Variants in BOD1 observed in about 807,000 individuals in gnomAD.
BOD1 encodes the protein biorientation of chromosomes in cell division 1.
Under a neutral mutation model 15.7 loss-of-function variants are expected in BOD1, and 11 were observed. That is an observed-to-expected ratio of 0.70 (90% confidence interval 0.44 to 1.16). BOD1 has a LOEUF of 1.16. Among genes scored for constraint, BOD1 ranks in the 50% most tolerant of loss-of-function variants. The pLI, the probability that BOD1 is intolerant of heterozygous loss-of-function variation, is 0.00. For synonymous variants in BOD1, 105 were observed against 103.5 expected (o/e 1.01, Z -0.09); for missense variants, 182 against 244.5 (o/e 0.74, Z 1.70).
chr5:173,613,084 A>G (rs1464676331), intron 2 of BOD1, 47 bp downstream of exon 2: 3 of 1,515,224 alleles, frequency 2.0e-6, no homozygotes, highest in Non-Finnish European at 2.7e-6. Context: ...TGTGCATCAC[A>G]CTTGTGATGA....
In BOD1 at chr5:173,616,352, C is replaced by A; in HGVS notation, c.85G>T (p.Ala29Ser). 6.5e-7 allele frequency: 1 copy of A among 1,527,266 alleles called. No individual in the cohort carries two copies. 94.6% of individuals were successfully genotyped at this position (1,527,266 alleles called of 1,614,324 possible). A position where few individuals can be genotyped will look rare whatever the true frequency, so the allele number is the denominator to read the frequency against. ...SQASAGAATG[A>S]TGASGGGGPI... is the part of the protein sequence containing the mutation. ...CCACCGCCCCCGCTGGCCCCAGTAG[C>A]GCCAGTCGCTGCCCCGGCAGAGGCC... is the stretch of plus-strand genomic sequence containing the variant. Residue 29 changes from alanine to serine, a missense_variant, in exon 1 of 4, where the codon GCT (alanine) becomes TCT (serine). Ala to Ser is a moderately conservative substitution (Grantham distance 99). This residue lies in a region of BOD1 where 72 missense variants were observed against 68.9 expected (regional missense o/e 1.05). Transcript: ENST00000311086.
At chr5:173,608,933 T>A (rs538637891) in intron 3 of BOD1, among the ~76,000 whole-genome samples, 107 of 152,340 alleles carry the variant, frequency 7.0e-4, no homozygotes, top group African/African-American at 2.3e-3. Flanking sequence ...CATTTAAACA[T>A]TTCAGCAAAA....
At chr5:173,609,717 CAACA>C (rs750680119) in intron 2 of BOD1, 1 of 362,632 alleles carries the variant, frequency 2.8e-6, no homozygotes, top group Non-Finnish European at 5.0e-6. Context: ...TGCTCCAAAA[CAACA>C]AACAAATGAC....
chr5:173,611,643 C>T (rs562200692), intron 2 of BOD1, among the ~76,000 whole-genome samples: 2 of 152,190 alleles, frequency 1.3e-5, no homozygotes, highest in Non-Finnish European at 2.9e-5. Context: ...AAAGTACATC[C>T]GGAGCTAGGC....
rs774317499 is a variant in BOD1 at position 173,608,168 on chromosome 5, T to C, written c.*126A>G. 1.7e-6 allele frequency: 2 copies of C among 1,174,932 alleles called. No individual in the cohort carries two copies. Among genetic ancestry groups the C allele is most frequent in the Non-Finnish European group, 2.6e-6 (2 of 783,358 alleles). 72.8% of individuals were successfully genotyped at this position (1,174,932 alleles called of 1,614,324 possible). A position where few individuals can be genotyped will look rare whatever the true frequency, so the allele number is the denominator to read the frequency against. Reference sequence around the variant, plus strand: ...CCCCTTTCAATCTGGTCACTGCCCATGGTCAAGGTTGAAATCTTGAGATCA... The same window carrying C: ...CCCCTTTCAATCTGGTCACTGCCCACGGTCAAGGTTGAAATCTTGAGATCA... On this transcript the variant is annotated 3_prime_UTR_variant, in exon 4 of 4. Coordinates refer to ENST00000311086, the MANE Select transcript of BOD1 (RefSeq NM_138369.3).
In BOD1 at chr5:173,616,574, G is replaced by A. The variant is rs1285036127; in HGVS notation, c.-138C>T. ...GGCAGCGGCGGAGGTGGCGATGGCG[G>A]CAGGGGCGGTGGTGGGGGCGGCGGC... On this transcript the variant is annotated 5_prime_UTR_variant, in exon 1 of 4. Transcript: ENST00000311086. 1.0e-5 allele frequency: 14 copies of A among 1,374,666 alleles called. No individual in the cohort carries two copies. Among genetic ancestry groups the A allele is most frequent in the Non-Finnish European group, 1.3e-5 (14 of 1,071,288 alleles). The allele number at this position is 1,374,666 out of a possible 1,614,324, so 85.2% of individuals were successfully genotyped here. A position where few individuals can be genotyped will look rare whatever the true frequency, so the allele number is the denominator to read the frequency against.
intron 1 of BOD1, among the ~76,000 whole-genome samples, chr5:173,615,756 G>C (rs1295484009): frequency 6.6e-6 from 1 of 152,180 alleles, no homozygotes; most frequent in East Asian, 1.9e-4. Flanking sequence ...CAATGAGCTA[G>C]AGAAAAGGAA....
chr5:173,609,158 C>T (rs2279188), intron 3 of BOD1, 80 bp downstream of exon 3: 171,010 of 1,370,116 alleles, frequency 0.12, 17,441 homozygotes, highest in East Asian at 0.62. Flanking sequence ...TCCTCAATTA[C>T]GGCCTACCCC....
At position 173,608,238 on chromosome 5, in the gene BOD1, T is replaced by TA; in HGVS notation, c.*55dup. On this transcript the variant is annotated 3_prime_UTR_variant, in exon 4 of 4. Transcript: ENST00000311086. The stretch of plus-strand genomic sequence containing the variant: ...TTCAGTCTGAAGTTGCACTCTTATG[T>TA]AACCGAATCCATTTCTTCACCAAAA... 6.2e-7 allele frequency: 1 copy of TA among 1,608,712 alleles called. No homozygotes were observed. The highest frequency in any genetic ancestry group is 8.5e-7 in the Non-Finnish European group (1 of 1,175,116).
At position 173,616,236 on chromosome 5, in the gene BOD1, G is replaced by A. The variant is rs1302974209; in HGVS notation, c.201C>T (p.Ser67=). The A allele has an allele frequency of 7.6e-6, 12 of 1,576,448 alleles. No individual in the cohort carries two copies. Among genetic ancestry groups the A allele is most frequent in the Non-Finnish European group, 7.7e-6 (9 of 1,161,940 alleles). Residue 67 remains serine, a synonymous_variant, in exon 1 of 4, where the codon AGC becomes AGT. Transcript: ENST00000311086. ...CGTCGGCCAGGCAGTCCCGGCGGAA[G>A]CTGTCAAAAAGGCCCCGGCTCTTGA... ...EQLKSRGLFD[S]FRRDCLADVD...
intron 2 of BOD1, among the ~76,000 whole-genome samples, chr5:173,612,569 C>T (rs1042263590): frequency 6.6e-6 from 1 of 152,190 alleles, no homozygotes; most frequent in Admixed American, 6.5e-5. Flanking sequence ...CATTTCTGTA[C>T]CCTCCTCCAC....
chr5:173,609,712 C>T lies in BOD1; in HGVS notation c.363-278G>A, dbSNP rs1755298188. The T allele has an allele frequency of 8.1e-6, 3 of 370,472 alleles. No homozygotes were observed. The highest frequency in any genetic ancestry group is 1.5e-5 in the Non-Finnish European group (3 of 203,556). The allele number at this position is 370,472 out of a possible 1,614,324, so 22.9% of individuals were successfully genotyped here. On this transcript the variant is annotated intron_variant, in intron 2 of 3. Coordinates refer to ENST00000311086, the MANE Select transcript of BOD1 (RefSeq NM_138369.3). ...AAAAACAAAACTAAGTGAGTTGCTC[C>T]AAAACAACAAACAAATGACAGCATG...
chr5:173,608,316 C>T (rs955691562), intron 3 of BOD1, 24 bp from the exon 4 acceptor site: 1 of 1,284,222 alleles, frequency 7.8e-7, no homozygotes, highest in African/African-American at 2.2e-5. Context: ...ATAATCATAT[C>T]AAAATGTTAT....
Position 173,616,582 on chromosome 5 carries a change from G to A in BOD1, c.-146C>T. The A allele has an allele frequency of 1.5e-6, 2 of 1,366,640 alleles. No individual in the cohort carries two copies. The highest frequency in any genetic ancestry group is 9.4e-7 in the Non-Finnish European group (1 of 1,067,494). 84.7% of individuals were successfully genotyped at this position (1,366,640 alleles called of 1,614,324 possible). On this transcript the variant is annotated 5_prime_UTR_variant, in exon 1 of 4. Coordinates refer to ENST00000311086, the MANE Select transcript of BOD1 (RefSeq NM_138369.3). Reference sequence around the variant, plus strand: ...CGGAGGTGGCGATGGCGGCAGGGGCGGTGGTGGGGGCGGCGGCGGCGAAGG... The same window carrying A: ...CGGAGGTGGCGATGGCGGCAGGGGCAGTGGTGGGGGCGGCGGCGGCGAAGG...
At chr5:173,613,472 T>C (rs1168417407) in intron 1 of BOD1, among the ~76,000 whole-genome samples, 5 of 152,196 alleles carry the variant, frequency 3.3e-5, no homozygotes, top group Non-Finnish European at 7.3e-5. Context: ...GCTTTACTTA[T>C]ATTATTCCAT....
chr5:173,607,440 A>G lies in BOD1; in HGVS notation c.*854T>C, dbSNP rs1367226212. 1 of 152,226 alleles carries G rather than the reference A, an allele frequency of 6.6e-6. No homozygotes were observed. Among genetic ancestry groups the G allele is most frequent in the Non-Finnish European group, 1.5e-5 (1 of 68,040 alleles). 9.4% of individuals were successfully genotyped at this position (152,226 alleles called of 1,614,324 possible). ...ATGTACCAATCTTCACTGCCAGTAGATCATGTGTGGTGCACAGAGGCAGAA... is the reference window on the plus strand; with the variant it reads ...ATGTACCAATCTTCACTGCCAGTAGGTCATGTGTGGTGCACAGAGGCAGAA... On this transcript the variant is annotated 3_prime_UTR_variant, in exon 4 of 4. Coordinates refer to ENST00000311086, the MANE Select transcript of BOD1 (RefSeq NM_138369.3).
chr5:173,612,119 C>T (rs1197929451), intron 2 of BOD1, among the ~76,000 whole-genome samples: 3 of 152,240 alleles, frequency 2.0e-5, no homozygotes, highest in Non-Finnish European at 2.9e-5. Context: ...AGGCACTGGG[C>T]ATCTTCTGCT....
At chr5:173,612,727 G>A (rs1018728595) in intron 2 of BOD1, among the ~76,000 whole-genome samples, 9 of 152,174 alleles carry the variant, frequency 5.9e-5, no homozygotes, top group African/African-American at 1.7e-4. Flanking sequence ...CAGTCCTGGT[G>A]GACTCAAAGA....
At chr5:173,612,326 C>A (rs1393529670) in intron 2 of BOD1, among the ~76,000 whole-genome samples, 1 of 152,236 alleles carries the variant, frequency 6.6e-6, no homozygotes, top group East Asian at 1.9e-4. Flanking sequence ...ATATCAAAAC[C>A]AGGAAAATGA....
Sources: gnomAD v4.1 joint callset for allele counts (sites outside exome capture counted in the v4.1 genomes callset) on GRCh38, gnomAD v4.1.1 for gene constraint, gnomAD v4.1.1 regional missense constraint, MANE v1.5 for transcripts, NCBI Gene and HGNC (gene_info 2026-07-23, HGNC 2026-07-21) for gene names.